The following CAPS2 variants were observed in gnomAD, a reference collection of about 807,000 sequenced individuals.
CAPS2 encodes the protein calcyphosine 2.
A neutral mutation model predicts 86.5 loss-of-function variants in CAPS2; 98 were observed. The ratio of observed to expected loss-of-function variants is 1.13; its 90% CI spans 0.96 to 1.34. The LOEUF (loss-of-function observed/expected upper bound fraction) is 1.34. CAPS2 is among the 40% of genes most tolerant of loss of function. The pLI, the probability that CAPS2 is intolerant of heterozygous loss-of-function variation, is 0.00. For synonymous variants in CAPS2, 210 were observed against 225.1 expected, an observed-to-expected ratio of 0.93 and a Z score of 0.60; for missense variants, 729 against 686.8, an observed-to-expected ratio of 1.06 and a Z score of -0.69.
intron 1 of CAPS2, among the ~76,000 whole-genome samples, chr12:75,350,912 G>T (rs183082657): frequency 4.6e-5 from 7 of 152,150 alleles, no homozygotes; most frequent in Admixed American, 3.9e-4. Flanking sequence ...AGCTAAAGGA[G>T]TATATTCTAA....
chr12:75,348,698 CT>C (rs1395246236), intron 1 of CAPS2, among the ~76,000 whole-genome samples: 8 of 152,110 alleles, frequency 5.3e-5, no homozygotes. Flanking sequence ...TAACAGATTT[CT>C]TATGGGTCTT....
At chr12:75,347,969 A>G (rs1014219549) in intron 1 of CAPS2, among the ~76,000 whole-genome samples, 1 of 152,160 alleles carries the variant, frequency 6.6e-6, no homozygotes, top group Non-Finnish European at 1.5e-5. Context: ...ATAGGTTTAA[A>G]AAAAGAGATA....
chr12:75,283,784 A>G (rs536863588), intron 15 of CAPS2, among the ~76,000 whole-genome samples: 3 of 152,288 alleles, frequency 2.0e-5, no homozygotes, highest in African/African-American at 4.8e-5. Flanking sequence ...ACTGCCCTCC[A>G]GCCTGGGCAA....
intron 4 of CAPS2, among the ~76,000 whole-genome samples, chr12:75,322,417 A>G (rs1005977249): frequency 3.3e-5 from 5 of 152,220 alleles, no homozygotes; most frequent in Admixed American, 6.5e-5. Flanking sequence ...TCTAACCCAC[A>G]GGAGAAGGAT....
intron 8 of CAPS2, among the ~76,000 whole-genome samples, chr12:75,300,758 A>G (rs1048915543): frequency 2.6e-5 from 4 of 151,872 alleles, no homozygotes; most frequent in African/African-American, 9.7e-5. Flanking sequence ...CATGAGATCA[A>G]TCCACCACAT....
chr12:75,349,459 T>C (rs767737872), intron 1 of CAPS2, among the ~76,000 whole-genome samples: 2 of 152,046 alleles, frequency 1.3e-5, no homozygotes, highest in Non-Finnish European at 2.9e-5. Flanking sequence ...TAATGAAATA[T>C]TACCAGCCAT....
At chr12:75,343,126 C>T (rs972243452) in intron 1 of CAPS2, among the ~76,000 whole-genome samples, 2 of 151,812 alleles carry the variant, frequency 1.3e-5, no homozygotes, top group Non-Finnish European at 2.9e-5. Flanking sequence ...TATGTATTTA[C>T]AACTCATGTA....
Position 75,312,761 on chromosome 12 carries a change from T to C in CAPS2, c.659+87A>G, listed in dbSNP as rs138462017. On this transcript the variant is annotated intron_variant, in intron 7 of 16. Transcript: ENST00000393284. Reference sequence around the variant, plus strand: ...AACCTCTGAGTTAGCCACCCTTTAATTGACCAAGGATATGAATGTCATGCA... The same window carrying C: ...AACCTCTGAGTTAGCCACCCTTTAACTGACCAAGGATATGAATGTCATGCA... 108 of 804,492 alleles carry C rather than the reference T, an allele frequency of 1.3e-4. No individual in the cohort carries two copies. In the African/African-American group the frequency reaches 1.4e-3, roughly 11 times the overall value. The allele number at this position is 804,492 out of a possible 1,614,324, so 49.8% of individuals were successfully genotyped here.
Position 75,346,074 on chromosome 12 carries a change from C to T in CAPS2, c.-394-22852G>A, listed in dbSNP as rs1001955135. 2.0e-5 allele frequency among the ~76,000 whole-genome samples: 3 copies of T among 152,150 alleles called. No individual in the cohort carries two copies. The East Asian group carries it at 5.8e-4, about 29-fold the overall frequency. On this transcript the variant is annotated intron_variant, in intron 1 of 5. Coordinates refer to the CAPS2 transcript ENST00000551829. ...ACATCCAATGTTCATATTAATATTACATCTAGTTTCTTTAATGAAAGCAAT... is the reference window on the plus strand; with the variant it reads ...ACATCCAATGTTCATATTAATATTATATCTAGTTTCTTTAATGAAAGCAAT...
At chr12:75,369,423 T>C (rs2044209793) in intron 1 of CAPS2, 2 of 633,412 alleles carry the variant, frequency 3.2e-6, no homozygotes, top group Non-Finnish European at 3.9e-6. Flanking sequence ...GCTAGAATCA[T>C]GCTGAATACG....
chr12:75,322,844 A>C lies in CAPS2; in HGVS notation c.291+130T>G, dbSNP rs1167838352. 2.4e-5 allele frequency: 14 copies of C among 587,540 alleles called. No individual in the cohort carries two copies. The East Asian group carries it at 3.7e-4, about 16-fold the overall frequency. The allele number at this position is 587,540 out of a possible 1,614,324, so 36.4% of individuals were successfully genotyped here. On this transcript the variant is annotated intron_variant, in intron 4 of 16. Coordinates refer to ENST00000393284, the Ensembl canonical transcript of CAPS2. ...GTGCGACAAAATGTAAAACAAGTAA[A>C]AATTATTTCACCAACCTTATGGTTT...
chr12:75,358,354 A>G (rs990190783), intron 1 of CAPS2, among the ~76,000 whole-genome samples: 1 of 151,928 alleles, frequency 6.6e-6, no homozygotes, highest in Non-Finnish European at 1.5e-5. Context: ...GAATCCAACA[A>G]TATTTTAAAA....
At chr12:75,298,534 A>T (rs996589015) in intron 11 of CAPS2, 153 bp downstream of exon 11, 39 of 547,398 alleles carry the variant, frequency 7.1e-5, no homozygotes, top group African/African-American at 6.7e-4. Context: ...AGCTCCTGGC[A>T]AAACATCAAC....
chr12:75,356,771 T>A (rs1453997350), intron 1 of CAPS2, among the ~76,000 whole-genome samples: 1 of 152,130 alleles, frequency 6.6e-6, no homozygotes, highest in African/African-American at 2.4e-5. Flanking sequence ...GCTAAGAAAT[T>A]GAAAACCAGC....
At chr12:75,323,375 G>C (rs2040478730) in intron 2 of CAPS2, 153 bp from the exon 4 acceptor site, 1 of 167,926 alleles carries the variant, frequency 6.0e-6, no homozygotes, top group Non-Finnish European at 1.2e-5. Context: ...TAAATGTTCA[G>C]TAATTTTTAA....
At chr12:75,304,722 T>A in intron 8 of CAPS2, 35 bp downstream of exon 8, 1 of 1,445,066 alleles carries the variant, frequency 6.9e-7, no homozygotes, top group Non-Finnish European at 9.5e-7. Flanking sequence ...TAGAACATAG[T>A]GCATCCTCAT....
chr12:75,370,309 G>A (rs1006071414), intron 1 of CAPS2: 141 of 559,502 alleles, frequency 2.5e-4, no homozygotes, highest in Middle Eastern at 2.3e-3. Context: ...TTTAATGTTT[G>A]TTTTTAACTC....
At chr12:75,341,747 CTT>C (rs1185408752) in intron 1 of CAPS2, among the ~76,000 whole-genome samples, 114 of 83,396 alleles carry the variant, frequency 1.4e-3, no homozygotes, top group East Asian at 4.4e-3. Flanking sequence ...CGCCCGGCCT[CTT>C]TTTTTTTTTT....
downstream of CAPS2, chr12:75,276,740 G>A (rs1290791863): frequency 1.2e-5 from 10 of 843,558 alleles, no homozygotes; most frequent in Non-Finnish European, 1.4e-5. Flanking sequence ...ATGGTTAACT[G>A]AGAAAGCAAT....
Sources: gnomAD v4.1 joint callset for allele counts (sites outside exome capture counted in the v4.1 genomes callset) on GRCh38, gnomAD v4.1.1 for gene constraint, MANE v1.5 for transcripts, NCBI Gene and HGNC (gene_info 2026-07-23, HGNC 2026-07-21) for gene names.